CCL17: variants seen among roughly 807,000 people sequenced by gnomAD.
CCL17 encodes the protein C-C motif chemokine 17.
A neutral mutation model predicts 7.4 loss-of-function variants in CCL17; 8 were observed. The observed-to-expected ratio is 1.09, with a 90% CI of 0.64 to 1.96. CCL17 has a LOEUF of 1.96. CCL17 is among the 30% of genes most tolerant of loss of function. CCL17 has a pLI of 0.00. For synonymous variants in CCL17, 40 were observed against 46.1 expected, an observed-to-expected ratio of 0.87 and a Z score of 0.54; for missense variants, 102 against 113.0, an observed-to-expected ratio of 0.90 and a Z score of 0.44.
intron 1 of CCL17, among the ~76,000 whole-genome samples, chr16:57,412,395 C>T (rs1376311397): frequency 6.6e-6 from 1 of 152,198 alleles, no homozygotes; most frequent in Non-Finnish European, 1.5e-5. Context: ...GATCCCTGCC[C>T]TTCTACCTAA....
intron 1 of CCL17, among the ~76,000 whole-genome samples, chr16:57,406,339 C>T (rs183862897): frequency 0.011 from 1,702 of 152,246 alleles, 14 homozygotes; most frequent in Middle Eastern, 0.034. Context: ...CTATGTTGCC[C>T]AGGCTGGTCT....
chr16:57,415,981 G>A lies in CCL17; in HGVS notation c.*120G>A. The A allele has an allele frequency of 1.5e-6, 1 of 653,886 alleles. No individual in the cohort carries two copies. Among genetic ancestry groups the A allele is most frequent in the East Asian group, 2.7e-5 (1 of 36,500 alleles). 40.5% of individuals were successfully genotyped at this position (653,886 alleles called of 1,614,324 possible). On this transcript the variant is annotated 3_prime_UTR_variant, in exon 4 of 4. Coordinates refer to ENST00000219244, the MANE Select transcript of CCL17 (RefSeq NM_002987.3). This position sits in a 1 kb window ranked among gnomAD's most constrained non-coding sequence, Gnocchi z 4.5. ...GGGGAGGCCTTCCAGGGACGAAGAAGAGCCACAGTGAGGGAGATCCCATCC... is the reference window on the plus strand; with the variant it reads ...GGGGAGGCCTTCCAGGGACGAAGAAAAGCCACAGTGAGGGAGATCCCATCC...
At chr16:57,408,592 G>A (rs1313656341) in intron 1 of CCL17, among the ~76,000 whole-genome samples, 1 of 151,086 alleles carries the variant, frequency 6.6e-6, no homozygotes, top group Admixed American at 6.6e-5. Flanking sequence ...TTTTCGAGAT[G>A]GAGTCTCACT....
upstream of CCL17, among the ~76,000 whole-genome samples, chr16:57,403,625 ATAT>A (rs1311834424): frequency 1.9e-4 from 16 of 82,592 alleles, no homozygotes; most frequent in Non-Finnish European, 3.1e-4. Context: ...TTTATAATAT[ATAT>A]TATATATATT....
chr16:57,408,151 CTATT>C (rs1567562543), intron 1 of CCL17, among the ~76,000 whole-genome samples: 2 of 152,172 alleles, frequency 1.3e-5, no homozygotes, highest in South Asian at 2.1e-4. Context: ...ATCCATCTAT[CTATT>C]TATCCTTTCA....
At chr16:57,410,867 T>C (rs1403486926) in intron 1 of CCL17, among the ~76,000 whole-genome samples, 1 of 152,230 alleles carries the variant, frequency 6.6e-6, no homozygotes. Context: ...GAAGGTTCAC[T>C]GCATGCCAGG....
In CCL17 at chr16:57,415,894, C is replaced by CA; in HGVS notation, c.*33_*34insA. The CA allele has an allele frequency of 1.4e-5, 20 of 1,408,990 alleles. No homozygotes were observed. Among genetic ancestry groups the CA allele is most frequent in the Non-Finnish European group, 1.8e-5 (18 of 993,408 alleles). The allele number at this position is 1,408,990 out of a possible 1,614,324, so 87.3% of individuals were successfully genotyped here. A position where few individuals can be genotyped will look rare whatever the true frequency, so the allele number is the denominator to read the frequency against. On this transcript the variant is annotated 3_prime_UTR_variant, in exon 4 of 4. Coordinates refer to ENST00000219244, the MANE Select transcript of CCL17 (RefSeq NM_002987.3). The surrounding 1 kb of genome is among the most constrained non-coding windows in gnomAD (Gnocchi z 4.5). ...TCACCCCAGACTCCTGACTGTCTCCCGGGACTACCTGGGACCTCCACCGTT... is the reference window on the plus strand; with the variant it reads ...TCACCCCAGACTCCTGACTGTCTCCCAGGGACTACCTGGGACCTCCACCGTT...
the CCL17 span, among the ~76,000 whole-genome samples, chr16:57,398,178 T>C: frequency 2.0e-5 from 3 of 152,184 alleles, no homozygotes; most frequent in East Asian, 5.8e-4. Flanking sequence ...ACATCATGAG[T>C]AGTCCAGATG....
At chr16:57,407,782 A>T (rs1902719162) in intron 1 of CCL17, among the ~76,000 whole-genome samples, 1 of 151,690 alleles carries the variant, frequency 6.6e-6, no homozygotes, top group African/African-American at 2.4e-5. Context: ...CCATTCATTC[A>T]TCCATTCATG....
upstream of CCL17, among the ~76,000 whole-genome samples, chr16:57,401,855 G>A (rs1191844361): frequency 3.9e-5 from 6 of 152,072 alleles, no homozygotes; most frequent in Admixed American, 6.6e-5. Context: ...CCCCGGGGAC[G>A]TCACCTGAGG....
At chr16:57,401,223 T>A (rs893071111), upstream of CCL17, among the ~76,000 whole-genome samples, 2 of 151,870 alleles carry the variant, frequency 1.3e-5, no homozygotes, top group Non-Finnish European at 2.9e-5. Flanking sequence ...GATATAAAGC[T>A]TAGAAATGAG....
chr16:57,406,709 G>A (rs1442127260), intron 1 of CCL17, among the ~76,000 whole-genome samples: 1 of 152,130 alleles, frequency 6.6e-6, no homozygotes, highest in Non-Finnish European at 1.5e-5. Flanking sequence ...TGGAGACTAG[G>A]AACTTTATAG....
intron 1 of CCL17, among the ~76,000 whole-genome samples, chr16:57,413,147 T>G (rs1902812017): frequency 6.6e-6 from 1 of 152,274 alleles, no homozygotes; most frequent in East Asian, 1.9e-4. Flanking sequence ...TGTATCTTAG[T>G]GTAAGGCATC....
chr16:57,399,191 C>T, the CCL17 span, among the ~76,000 whole-genome samples: 1 of 152,186 alleles, frequency 6.6e-6, no homozygotes, highest in Non-Finnish European at 1.5e-5. Flanking sequence ...TTTCCTGGGC[C>T]TCCCCTTCTC....
At chr16:57,411,155 G>A (rs976967146) in intron 1 of CCL17, among the ~76,000 whole-genome samples, 1 of 152,108 alleles carries the variant, frequency 6.6e-6, no homozygotes, top group Non-Finnish European at 1.5e-5. Context: ...CACGAATTCT[G>A]GCCAGAGGCA....
intron 1 of CCL17, among the ~76,000 whole-genome samples, chr16:57,410,813 C>A (rs771200689): frequency 6.6e-6 from 1 of 152,196 alleles, no homozygotes; most frequent in Middle Eastern, 3.2e-3. Context: ...ATCCATCTCG[C>A]CTTCCCTTCC....
the CCL17 span, among the ~76,000 whole-genome samples, chr16:57,399,536 T>C: frequency 6.6e-6 from 1 of 152,170 alleles, no homozygotes; most frequent in African/African-American, 2.4e-5. Flanking sequence ...CTGCAACCTC[T>C]GCCTCCTAGG....
chr16:57,397,900 C>T, the CCL17 span, among the ~76,000 whole-genome samples: 288 of 152,248 alleles, frequency 1.9e-3, no homozygotes, highest in Admixed American at 4.0e-3. Flanking sequence ...TCCCATTCTC[C>T]GCAAATGAAC....
chr16:57,411,709 G>A (rs1342665886), intron 1 of CCL17, among the ~76,000 whole-genome samples: 1 of 152,230 alleles, frequency 6.6e-6, no homozygotes, highest in Non-Finnish European at 1.5e-5. Flanking sequence ...GTGGTCGGCG[G>A]AGGCGCCCCT....
Sources: allele counts gnomAD v4.1 joint callset (sites outside exome capture counted in the v4.1 genomes callset), GRCh38; gene constraint gnomAD v4.1.1; non-coding constraint Gnocchi (gnomAD v3.1); transcripts MANE v1.5; gene names NCBI Gene and HGNC (gene_info 2026-07-23, HGNC 2026-07-21).